The following KCTD3 variants were observed in gnomAD, a reference collection of about 807,000 sequenced individuals.
KCTD3 encodes BTB/POZ domain-containing protein KCTD3.
In KCTD3, 41 loss-of-function variants were observed where a neutral mutation model predicts 85.8. The observed-to-expected ratio is 0.48, with a 90% confidence interval of 0.37 to 0.62. KCTD3 has a LOEUF of 0.62. KCTD3 is among the 20% of genes least tolerant of loss of function. The pLI is 0.00. For synonymous variants in KCTD3, 338 were observed against 345.4 expected, an observed-to-expected ratio of 0.98 and a Z score of 0.24; for missense variants, 724 against 989.9, an observed-to-expected ratio of 0.73 and a Z score of 3.60.
intron 8 of KCTD3, chr1:215,580,826 G>A (rs1378160106): frequency 3.5e-6 from 1 of 289,428 alleles, no homozygotes; most frequent in South Asian, 2.9e-5. Context: ...TACAGATATA[G>A]TTTAAAGAAT....
chr1:215,614,220 A>T (rs1374883704), intron 15 of KCTD3, among the ~76,000 whole-genome samples: 1 of 151,296 alleles, frequency 6.6e-6, no homozygotes, highest in Non-Finnish European at 1.5e-5. Flanking sequence ...TTTAGTAGAG[A>T]CGGGGTTTCA....
In KCTD3 at chr1:215,621,115, A is replaced by G. The variant is rs1343983000; in HGVS notation, c.*497A>G. On this transcript the variant is annotated 3_prime_UTR_variant, in exon 18 of 18. Coordinates refer to ENST00000259154, the MANE Select transcript of KCTD3 (RefSeq NM_016121.5). ...TGATGAGGTGCTATGTTTGTGAAAA[A>G]CATATCATGTAATTCAAAAACACTA... is the stretch of plus-strand genomic sequence containing the variant. The G allele has an allele frequency of 6.5e-6, 1 of 154,480 alleles. No homozygotes were observed. Among genetic ancestry groups the G allele is most frequent in the African/African-American group, 2.4e-5 (1 of 41,542 alleles). 9.6% of individuals were successfully genotyped at this position (154,480 alleles called of 1,614,324 possible).
At chr1:215,575,739 A>G (rs951866818) in intron 3 of KCTD3, among the ~76,000 whole-genome samples, 162 bp from the exon 4 acceptor site, 1 of 152,200 alleles carries the variant, frequency 6.6e-6, no homozygotes, top group Admixed American at 6.5e-5. Context: ...CATGAAATGC[A>G]CACAGACTAC....
chr1:215,613,059 G>C (rs1414966520), intron 15 of KCTD3, among the ~76,000 whole-genome samples: 3 of 152,076 alleles, frequency 2.0e-5, no homozygotes, highest in Non-Finnish European at 4.4e-5. Flanking sequence ...TAGGTGATGG[G>C]TTGATCTATG....
rs1386779589 is a variant in KCTD3, at chr1:215,567,530, G to A, written c.-156G>A. On this transcript the variant is annotated 5_prime_UTR_variant, in exon 1 of 18. Transcript: ENST00000259154. ...AGAAGCTAGCGAGCCCCGCCCGGCCGCCGGGAAGGTGGGGGAAGCCCCGTG... is the reference window on the plus strand; with the variant it reads ...AGAAGCTAGCGAGCCCCGCCCGGCCACCGGGAAGGTGGGGGAAGCCCCGTG... 6.4e-6 allele frequency: 2 copies of A among 310,314 alleles called. No homozygotes were observed. The highest frequency in any genetic ancestry group is 1.1e-5 in the Non-Finnish European group (2 of 174,694). 19.2% of individuals were successfully genotyped at this position (310,314 alleles called of 1,614,324 possible).
rs1254287949 is a variant in KCTD3 at position 215,617,559 on chromosome 1, A to G, written c.1563-1327A>G. ...GGAGTGAAGGACATTCTGCCCCAAA[A>G]TAGGCCAAATTGGTATATTGATTAT... On this transcript the variant is annotated intron_variant, in intron 15 of 17. Coordinates refer to ENST00000259154, the MANE Select transcript of KCTD3 (RefSeq NM_016121.5). Among the ~76,000 whole-genome samples the G allele has an allele frequency of 4.6e-5, 7 of 151,916 alleles. No homozygotes were observed. The East Asian group carries it at 1.4e-3, about 29-fold the overall frequency.
At chr1:215,594,272 A>G (rs1298306839) in intron 9 of KCTD3, among the ~76,000 whole-genome samples, 1 of 152,230 alleles carries the variant, frequency 6.6e-6, no homozygotes, top group Non-Finnish European at 1.5e-5. Flanking sequence ...GAGAGCCAGG[A>G]TCCCAACCCT....
intron 9 of KCTD3, among the ~76,000 whole-genome samples, chr1:215,587,971 G>C (rs1333725251): frequency 1.3e-5 from 2 of 152,110 alleles, no homozygotes; most frequent in Non-Finnish European, 2.9e-5. Context: ...TGCATTCATT[G>C]GTATCCCTGC....
At chr1:215,607,430 A>G (rs1400692755) in intron 13 of KCTD3, among the ~76,000 whole-genome samples, 7 of 152,004 alleles carry the variant, frequency 4.6e-5, no homozygotes, top group African/African-American at 1.2e-4. Flanking sequence ...TTAATATTCT[A>G]TTCACAAAAT....
In KCTD3 at chr1:215,619,117, A is replaced by C. The variant is rs770234318; in HGVS notation, c.1748-36A>C. ...TGTTTGTCACAAGGTTAAGCTTTTC[A>C]CTTAAGTGATTTTAATGACTATTTG... On this transcript the variant is annotated intron_variant, in intron 16 of 17. Transcript: ENST00000259154. 9.3e-6 allele frequency: 15 copies of C among 1,609,230 alleles called. No homozygotes were observed. In the South Asian group the frequency reaches 1.5e-4, roughly 17 times the overall value.
chr1:215,579,529 C>T (rs1045462322), intron 7 of KCTD3, among the ~76,000 whole-genome samples: 3 of 149,844 alleles, frequency 2.0e-5, no homozygotes, highest in Non-Finnish European at 4.4e-5. Flanking sequence ...GACGGAGTCT[C>T]GCTCTGTCGC....
chr1:215,607,940 A>G (rs1655096534), intron 13 of KCTD3, 77 bp from the exon 14 acceptor site: 4 of 1,162,514 alleles, frequency 3.4e-6, no homozygotes, highest in Non-Finnish European at 4.9e-6. Context: ...TCTGTGTAAT[A>G]TAGATGATAG....
In KCTD3 at chr1:215,602,150, C is replaced by G; in HGVS notation, c.1087C>G (p.Pro363Ala). 1 of 1,610,816 alleles carries G rather than the reference C, an allele frequency of 6.2e-7. No individual in the cohort carries two copies. The highest frequency in any genetic ancestry group is 8.5e-7 in the Non-Finnish European group (1 of 1,177,778). The change falls in exon 12 of 18, where the codon CCT (proline) becomes GCT (alanine). Residue 363 changes from proline (P) to alanine (A), a missense_variant. Transcript: ENST00000259154. Reference protein sequence around the residue: ...DLLVTELYHDPSNDAITALSV... With the variant: ...DLLVTELYHDASNDAITALSV... ...TCTTGTAACTGAACTGTATCATGAT[C>G]CTTCAAATGATGCTATTACTGCTCT...
Position 215,620,609 on chromosome 1 carries a change from C to T in KCTD3, c.2439C>T (p.Tyr813=), listed in dbSNP as rs769298034. ...HKKSDSSGQE[Y]SL is the part of the protein sequence containing the mutation. ...AAAGTGATTCTTCAGGTCAGGAGTACAGCTTGTGAAAACTCACCAAAATGA... is the reference window on the plus strand; with the variant it reads ...AAAGTGATTCTTCAGGTCAGGAGTATAGCTTGTGAAAACTCACCAAAATGA... The change falls in exon 18 of 18, where the codon TAC becomes TAT. Residue 813 remains tyrosine (Y), a synonymous_variant. Coordinates refer to ENST00000259154, the MANE Select transcript of KCTD3 (RefSeq NM_016121.5). 1.0e-5 allele frequency: 16 copies of T among 1,577,244 alleles called. No homozygotes were observed. The African/African-American group carries it at 2.0e-4, about 20-fold the overall frequency.
intron 8 of KCTD3, among the ~76,000 whole-genome samples, chr1:215,582,824 A>C (rs889964400): frequency 6.6e-6 from 1 of 152,124 alleles, no homozygotes; most frequent in African/African-American, 2.4e-5. Flanking sequence ...AGCCTTCCAA[A>C]GTGCTGGGAT....
Position 215,620,464 on chromosome 1 carries a change from T to C in KCTD3, c.2294T>C (p.Leu765Pro). The change falls in exon 18 of 18, where the codon CTT becomes CCT. Residue 765 changes from leucine (L) to proline (P), a missense_variant. Coordinates refer to ENST00000259154, the MANE Select transcript of KCTD3 (RefSeq NM_016121.5). ...KKGGFEGGGFLGRKKVPYLAS... is the reference protein window; with the variant it reads ...KKGGFEGGGFPGRKKVPYLAS... Reference sequence around the variant, plus strand: ...GGAGGATTTGAAGGGGGAGGATTCCTTGGAAGAAAGAAAGTTCCCTATCTG... The same window carrying C: ...GGAGGATTTGAAGGGGGAGGATTCCCTGGAAGAAAGAAAGTTCCCTATCTG... The C allele has an allele frequency of 6.2e-7, 1 of 1,613,848 alleles. No individual in the cohort carries two copies. Among genetic ancestry groups the C allele is most frequent in the Non-Finnish European group, 8.5e-7 (1 of 1,179,786 alleles).
In KCTD3 at chr1:215,567,582, C is replaced by G. The variant is rs1041202240; in HGVS notation, c.-104C>G. On this transcript the variant is annotated 5_prime_UTR_variant, in exon 1 of 18. Transcript: ENST00000259154. Reference sequence around the variant, plus strand: ...ACCCCCCGCCCTCCGGCCGCCGCCGCCCCGCTGGCCCTGCAGCCGTCGCCG... The same window carrying G: ...ACCCCCCGCCCTCCGGCCGCCGCCGGCCCGCTGGCCCTGCAGCCGTCGCCG... 8 of 625,728 alleles carry G rather than the reference C, an allele frequency of 1.3e-5. No individual in the cohort carries two copies. The Admixed American group carries it at 2.4e-4, about 18-fold the overall frequency. 38.8% of individuals were successfully genotyped at this position (625,728 alleles called of 1,614,324 possible).
rs1418976776 is a variant in KCTD3 at position 215,611,820 on chromosome 1, T to A, written c.1466-5T>A. On this transcript the variant is annotated splice_polypyrimidine_tract_variant and splice_region_variant and intron_variant, in intron 14 of 17. Coordinates refer to ENST00000259154, the MANE Select transcript of KCTD3 (RefSeq NM_016121.5). ...ATTTTTTGACATTTTTGTTTTCTGA[T>A]CAAGGACCTTTTGGAGAGCGAGACG... is the stretch of plus-strand genomic sequence containing the variant. The A allele has an allele frequency of 6.3e-7, 1 of 1,587,130 alleles. No individual in the cohort carries two copies. Among genetic ancestry groups the A allele is most frequent in the African/African-American group, 1.3e-5 (1 of 74,438 alleles).
At chr1:215,595,520 C>A in intron 10 of KCTD3, 49 bp downstream of exon 10, 1 of 1,106,414 alleles carries the variant, frequency 9.0e-7, no homozygotes, top group Non-Finnish European at 1.4e-6. Context: ...GAAATGTATG[C>A]TGATTATGTA....
Sources: gnomAD v4.1 joint callset for allele counts (sites outside exome capture counted in the v4.1 genomes callset) on GRCh38, gnomAD v4.1.1 for gene constraint, MANE v1.5 for transcripts, NCBI Gene and HGNC (gene_info 2026-07-23, HGNC 2026-07-21) for gene names.